The following DENND1A variants were observed in gnomAD, a reference collection of about 807,000 sequenced individuals.
The protein encoded by DENND1A is DENN domain containing 1A, also known as DENN domain-containing protein 1A.
DENND1A carries 51 observed loss-of-function variants against 113.7 expected under a neutral mutation model. The observed-to-expected ratio is 0.45, with a 90% CI of 0.36 to 0.57. DENND1A has a LOEUF of 0.57. Among genes scored for constraint, DENND1A ranks in the 20% least tolerant of loss-of-function variants. The pLI is 0.00. For synonymous variants in DENND1A, 565 were observed against 570.8 expected, an observed-to-expected ratio of 0.99 and a Z score of 0.14; for missense variants, 1,258 against 1,395.9, an observed-to-expected ratio of 0.90 and a Z score of 1.57.
intron 12 of DENND1A, among the ~76,000 whole-genome samples, chr9:123,576,028 A>G (rs1034897594): frequency 2.0e-5 from 3 of 152,132 alleles, no homozygotes; most frequent in African/African-American, 7.2e-5. Context: ...ATCTGTTGTC[A>G]TGTTTACTCT....
chr9:123,652,452 A>T (rs563523745), intron 8 of DENND1A, among the ~76,000 whole-genome samples: 1 of 152,370 alleles, frequency 6.6e-6, no homozygotes, highest in African/African-American at 2.4e-5. Flanking sequence ...ACCAAGACTC[A>T]AAGAGATTCT....
At chr9:123,653,966 G>A (rs1214595253) in intron 8 of DENND1A, among the ~76,000 whole-genome samples, 1 of 151,360 alleles carries the variant, frequency 6.6e-6, no homozygotes, top group Non-Finnish European at 1.5e-5. Flanking sequence ...GCTAGAAAGG[G>A]GAGAGCCATG....
At chr9:123,652,404 A>G (rs2062707857) in intron 8 of DENND1A, 1 of 300,676 alleles carries the variant, frequency 3.3e-6, no homozygotes, top group South Asian at 4.9e-5. Context: ...CCTAAAGGTG[A>G]GCAGAACAGG....
At chr9:123,618,056 A>G (rs2060745926) in intron 10 of DENND1A, among the ~76,000 whole-genome samples, 1 of 152,200 alleles carries the variant, frequency 6.6e-6, no homozygotes, top group South Asian at 2.1e-4. Context: ...CTTTCCATTC[A>G]TCACGTTTTA....
At chr9:123,420,066 T>C (rs1188785287) in intron 19 of DENND1A, among the ~76,000 whole-genome samples, 1 of 152,202 alleles carries the variant, frequency 6.6e-6, no homozygotes, top group Non-Finnish European at 1.5e-5. Flanking sequence ...TCTAGAGGGA[T>C]ATTCCTTGCA....
chr9:123,634,814 A>T (rs1396997489), intron 9 of DENND1A, among the ~76,000 whole-genome samples: 2 of 152,266 alleles, frequency 1.3e-5, no homozygotes, highest in Non-Finnish European at 2.9e-5. Context: ...GCAGCTGAAT[A>T]GCCTAAGACT....
chr9:123,429,113 G>A (rs935147787), intron 19 of DENND1A, among the ~76,000 whole-genome samples: 1 of 152,204 alleles, frequency 6.6e-6, no homozygotes, highest in African/African-American at 2.4e-5. Context: ...CAAAGCTGGA[G>A]GCATCATGCT....
At chr9:123,915,602 G>A (rs891130101) in intron 1 of DENND1A, among the ~76,000 whole-genome samples, 1 of 152,128 alleles carries the variant, frequency 6.6e-6, no homozygotes, top group Non-Finnish European at 1.5e-5. Flanking sequence ...ATGAGTAGAA[G>A]AGAGAAGTAC....
At chr9:123,569,532 C>A (rs139633676) in intron 12 of DENND1A, 3 of 152,356 alleles carry the variant, frequency 2.0e-5, no homozygotes, top group African/African-American at 7.2e-5. Context: ...ATAAAATCCT[C>A]GATCGTTGAC....
At chr9:123,794,978 A>G (rs1261919340) in intron 2 of DENND1A, among the ~76,000 whole-genome samples, 1 of 152,204 alleles carries the variant, frequency 6.6e-6, no homozygotes, top group Non-Finnish European at 1.5e-5. Flanking sequence ...CAATTGTCCT[A>G]AGACTCTCTA....
Position 123,403,402 on chromosome 9 carries a change from T to C in DENND1A, c.1631A>G (p.His544Arg), listed in dbSNP as rs1223067691. The change falls in exon 21 of 24, where the codon CAC (histidine) becomes CGC (arginine). Residue 544 changes from histidine (H) to arginine (R), a missense_variant and splice_region_variant. By Grantham distance (29) the His-to-Arg change is conservative. This residue lies in a region of DENND1A where 1,159 missense variants were observed against 1,231.7 expected (regional missense o/e 0.94). Transcript: ENST00000394215. ...CAGAGGGGAGAGGCACAATACTCAC[T>C]GCTCAGGGCTCGGCACAGACGTCCT... The part of the protein sequence containing the change: ...GRRTSVPSPE[H>R]LVKPLRHYAV... The C allele has an allele frequency of 2.5e-6, 4 of 1,613,908 alleles. No individual in the cohort carries two copies. The highest frequency in any genetic ancestry group is 1.3e-5 in the African/African-American group (1 of 74,910).
intron 13 of DENND1A, among the ~76,000 whole-genome samples, 189 bp from the exon 14 acceptor site, chr9:123,458,086 T>C (rs1190273512): frequency 6.6e-6 from 1 of 151,004 alleles, no homozygotes; most frequent in Non-Finnish European, 1.5e-5. Context: ...GTGCAACCTC[T>C]GCCTCCCGAG....
chr9:123,925,855 C>A (rs1856999796), intron 1 of DENND1A, among the ~76,000 whole-genome samples: 1 of 149,228 alleles, frequency 6.7e-6, no homozygotes, highest in South Asian at 2.1e-4. Context: ...TGCCTCAAGT[C>A]TTAGAGTATG....
intron 5 of DENND1A, among the ~76,000 whole-genome samples, chr9:123,687,883 G>C (rs972059121): frequency 1.3e-5 from 2 of 152,150 alleles, no homozygotes; most frequent in African/African-American, 2.4e-5. Context: ...GCTGAGGGAA[G>C]CAAAATTATT....
chr9:123,753,195 T>C (rs753691341), intron 5 of DENND1A, among the ~76,000 whole-genome samples: 28 of 152,204 alleles, frequency 1.8e-4, no homozygotes, highest in Admixed American at 3.9e-4. Context: ...CTTGAAGAGT[T>C]CCCAGACTAG....
At chr9:123,620,868 T>C (rs1246959617) in intron 10 of DENND1A, among the ~76,000 whole-genome samples, 1 of 151,342 alleles carries the variant, frequency 6.6e-6, no homozygotes, top group East Asian at 2.0e-4. Flanking sequence ...AATATCTCTA[T>C]TCTCCATATC....
At chr9:123,677,851 T>C (rs554220539) in intron 5 of DENND1A, among the ~76,000 whole-genome samples, 1 of 152,330 alleles carries the variant, frequency 6.6e-6, no homozygotes, top group East Asian at 1.9e-4. Flanking sequence ...TCTGGGGCTC[T>C]TCACTGCCAG....
At chr9:123,803,685 G>A (rs574714363) in intron 2 of DENND1A, among the ~76,000 whole-genome samples, 2 of 152,226 alleles carry the variant, frequency 1.3e-5, no homozygotes, top group East Asian at 1.9e-4. Context: ...CCTCTCTATA[G>A]GATCTTTCCC....
chr9:123,659,279 A>G (rs1564900611), intron 8 of DENND1A, among the ~76,000 whole-genome samples: 1 of 152,190 alleles, frequency 6.6e-6, no homozygotes, highest in Non-Finnish European at 1.5e-5. Context: ...ATCAATAAAT[A>G]TTTACAAACC....
Sources: allele counts gnomAD v4.1 joint callset (sites outside exome capture counted in the v4.1 genomes callset), GRCh38; gene constraint gnomAD v4.1.1; regional missense constraint gnomAD v4.1.1; transcripts MANE v1.5; gene names NCBI Gene and HGNC (gene_info 2026-07-23, HGNC 2026-07-21).